NTMT1: variants seen among roughly 807,000 people sequenced by gnomAD.
NTMT1 encodes the protein N-terminal Xaa-Pro-Lys N-methyltransferase 1.
Under a neutral mutation model 17.5 loss-of-function variants are expected in NTMT1, and 8 were observed. The observed-to-expected ratio is 0.46, with a 90% CI of 0.27 to 0.82. The LOEUF is 0.82. Ranked by LOEUF, NTMT1 falls within the 40% of genes least tolerant of loss-of-function variation. NTMT1 has a pLI of 0.15. For synonymous variants in NTMT1, 128 were observed against 126.8 expected (o/e 1.01, Z -0.06); for missense variants, 221 against 303.5 (o/e 0.73, Z 2.02).
chr9:129,611,655 C>G (rs1171197807), intron 1 of NTMT1, among the ~76,000 whole-genome samples: 4 of 151,156 alleles, frequency 2.6e-5, no homozygotes, highest in Non-Finnish European at 5.9e-5. Flanking sequence ...TTCTCCACCC[C>G]TAGGCTGAGT....
At chr9:129,612,675 C>T (rs1415471669) in intron 1 of NTMT1, among the ~76,000 whole-genome samples, 1 of 152,216 alleles carries the variant, frequency 6.6e-6, no homozygotes, top group Non-Finnish European at 1.5e-5. Flanking sequence ...GTCAGGAGTT[C>T]AAGACCAGCC....
chr9:129,632,649 G>A lies in NTMT1; in HGVS notation c.-54-1G>A, dbSNP rs574064229. On this transcript the variant is annotated splice_acceptor_variant, in intron 1 of 3. Transcript: ENST00000372483. LOFTEE classifies it low-confidence loss of function (5UTR_SPLICE). Reference sequence around the variant, plus strand: ...TGACTCACGCCCCCTTCCTTACCCAGGAGAGTCGCGGTTGCTGATCGTGGT... The same window carrying A: ...TGACTCACGCCCCCTTCCTTACCCAAGAGAGTCGCGGTTGCTGATCGTGGT... 1.2e-6 allele frequency: 2 copies of A among 1,602,902 alleles called. No homozygotes were observed. Among genetic ancestry groups the A allele is most frequent in the African/African-American group, 2.7e-5 (2 of 74,928 alleles).
chr9:129,634,652 C>T (rs1246749387), intron 3 of NTMT1: 6 of 249,572 alleles, frequency 2.4e-5, no homozygotes, highest in African/African-American at 9.1e-5. Context: ...GTTTAAGCTT[C>T]GTGTCTAGCC....
At chr9:129,609,441 C>T (rs1282464073) in intron 1 of NTMT1, among the ~76,000 whole-genome samples, 1 of 152,128 alleles carries the variant, frequency 6.6e-6, no homozygotes, top group East Asian at 1.9e-4. Context: ...TTGGAGGGTG[C>T]GCCTGCCTTG....
At chr9:129,617,739 AG>A (rs928703796) in intron 1 of NTMT1, among the ~76,000 whole-genome samples, 2 of 152,246 alleles carry the variant, frequency 1.3e-5, no homozygotes, top group African/African-American at 4.8e-5. Flanking sequence ...GCTGGAGTGC[AG>A]TGGCACGATC....
upstream of NTMT1, among the ~76,000 whole-genome samples, chr9:129,625,900 T>A (rs1830866920): frequency 6.6e-6 from 1 of 150,614 alleles, no homozygotes; most frequent in Non-Finnish European, 1.5e-5. Flanking sequence ...TAGTCCCAGG[T>A]ACTCTGGAGG....
chr9:129,631,351 G>C (rs913817026), intron 1 of NTMT1, among the ~76,000 whole-genome samples: 24 of 152,232 alleles, frequency 1.6e-4, no homozygotes, highest in Admixed American at 2.6e-4. Flanking sequence ...GCCCCTAAGC[G>C]TGGTGTGCCT....
At chr9:129,631,885 T>C (rs1394881065) in intron 1 of NTMT1, among the ~76,000 whole-genome samples, 1 of 152,142 alleles carries the variant, frequency 6.6e-6, no homozygotes, top group East Asian at 1.9e-4. Flanking sequence ...CCTGCAGGTG[T>C]GGTTGTGTCT....
At chr9:129,623,726 G>C (rs1276809221), upstream of NTMT1, among the ~76,000 whole-genome samples, 2 of 150,332 alleles carry the variant, frequency 1.3e-5, no homozygotes, top group African/African-American at 4.9e-5. Context: ...AATATTGAGT[G>C]GGGGAGGGAG....
In NTMT1 at chr9:129,631,679, G is replaced by C. The variant is rs1212778761; in HGVS notation, c.-54-971G>C. Among the ~76,000 whole-genome samples the C allele has an allele frequency of 9.2e-5, 14 of 152,316 alleles. No homozygotes were observed. In the East Asian group the frequency reaches 2.7e-3, roughly 29 times the overall value. ...AGAGTTGACTGTGAGACCAGGAACT[G>C]GCAGCCGCGAGGGCTGTCTGTCCTT... On this transcript the variant is annotated intron_variant, in intron 1 of 3. Coordinates refer to ENST00000372483, the MANE Select transcript of NTMT1 (RefSeq NM_014064.4).
intron 1 of NTMT1, chr9:129,612,239 C>T: frequency 1.1e-6 from 1 of 880,674 alleles, no homozygotes; most frequent in Admixed American, 2.2e-5. Context: ...GGTGTGACAC[C>T]TACTGGCAGG....
chr9:129,622,513 T>A (rs1341700258), upstream of NTMT1, among the ~76,000 whole-genome samples: 2 of 151,756 alleles, frequency 1.3e-5, no homozygotes, highest in Non-Finnish European at 2.9e-5. Context: ...ATAATAATAA[T>A]CCAAGGTCTG....
Position 129,634,312 on chromosome 9 carries a change from G to A in NTMT1, c.415+6G>A, listed in dbSNP as rs1218643732. The A allele has an allele frequency of 1.1e-5, 18 of 1,588,362 alleles. No individual in the cohort carries two copies. Among genetic ancestry groups the A allele is most frequent in the Non-Finnish European group, 1.5e-5 (17 of 1,164,600 alleles). ...CTGGATCCAGTGGGTGATAGGTGAG[G>A]GTTCCACCGCCCTTCCCTGCTCACC... On this transcript the variant is annotated splice_donor_region_variant and intron_variant, in intron 3 of 3. Transcript: ENST00000372483.
chr9:129,622,866 A>G (rs984150195), upstream of NTMT1, among the ~76,000 whole-genome samples: 38 of 152,000 alleles, frequency 2.5e-4, no homozygotes, highest in African/African-American at 4.8e-5. Context: ...CGTCTCTACT[A>G]AAATACAAAA....
chr9:129,615,722 G>A (rs752926151), intron 1 of NTMT1: 15 of 1,426,896 alleles, frequency 1.1e-5, no homozygotes, highest in South Asian at 2.9e-5. Flanking sequence ...CCCCAGACTC[G>A]CTGTGAGATC....
At chr9:129,621,107 A>G (rs1830688032) in intron 1 of NTMT1, among the ~76,000 whole-genome samples, 1 of 152,240 alleles carries the variant, frequency 6.6e-6, no homozygotes, top group African/African-American at 2.4e-5. Context: ...TAGAGAGAGC[A>G]CTTAGCCTGC....
At chr9:129,609,001 T>C (rs1315302359) in exon 1 of NTMT1, 1 of 152,352 alleles carries the variant, frequency 6.6e-6, no homozygotes, top group Non-Finnish European at 1.5e-5. Context: ...CAACACCTGG[T>C]CACTGTGTGA....
upstream of NTMT1, among the ~76,000 whole-genome samples, chr9:129,624,212 C>G (rs1451913514): frequency 1.3e-5 from 2 of 152,162 alleles, no homozygotes; most frequent in African/African-American, 4.8e-5. Flanking sequence ...GTCAGGGAGC[C>G]GGCCAGTCCT....
At chr9:129,616,900 C>T (rs140292551) in intron 1 of NTMT1, among the ~76,000 whole-genome samples, 23 of 152,228 alleles carry the variant, frequency 1.5e-4, no homozygotes, top group Non-Finnish European at 2.4e-4. Context: ...GTGAAACCCC[C>T]GTCTCTACCA....
Sources: gnomAD v4.1 joint callset for allele counts (sites outside exome capture counted in the v4.1 genomes callset) on GRCh38, gnomAD v4.1.1 for gene constraint, MANE v1.5 for transcripts, NCBI Gene and HGNC (gene_info 2026-07-23, HGNC 2026-07-21) for gene names.